PTPRN2: variants seen among roughly 807,000 people sequenced by gnomAD.
PTPRN2 encodes protein tyrosine phosphatase receptor type N2.
Under a neutral mutation model 118.8 loss-of-function variants are expected in PTPRN2, and 74 were observed. The observed-to-expected ratio is 0.62, with a 90% confidence interval of 0.52 to 0.76. PTPRN2 has a LOEUF of 0.76. Ranked by LOEUF, PTPRN2 falls within the 30% of genes least tolerant of loss-of-function variation. The pLI is 0.00. For synonymous variants in PTPRN2, 641 were observed against 608.0 expected (o/e 1.05, Z -0.80); for missense variants, 1,481 against 1,394.4 (o/e 1.06, Z -0.99).
At chr7:158,278,142 G>T (rs537248002) in intron 3 of PTPRN2, among the ~76,000 whole-genome samples, 1 of 152,148 alleles carries the variant, frequency 6.6e-6, no homozygotes, top group African/African-American at 2.4e-5. Context: ...GCCTCAGCAC[G>T]TAACATGTCT....
intron 11 of PTPRN2, among the ~76,000 whole-genome samples, chr7:158,019,627 G>C (rs932865654): frequency 6.6e-6 from 1 of 152,196 alleles, no homozygotes; most frequent in Non-Finnish European, 1.5e-5. Context: ...GATTTTTTGA[G>C]GTCCCATCAT....
At chr7:157,882,341 G>C (rs1389695595) in intron 12 of PTPRN2, among the ~76,000 whole-genome samples, 2 of 148,706 alleles carry the variant, frequency 1.3e-5, no homozygotes, top group African/African-American at 5.0e-5. Context: ...CCCCAAAAAT[G>C]ACTGTTGGAG....
chr7:157,708,372 G>A (rs1798438017), intron 12 of PTPRN2, among the ~76,000 whole-genome samples: 1 of 152,130 alleles, frequency 6.6e-6, no homozygotes, highest in Non-Finnish European at 1.5e-5. Flanking sequence ...ATCTGCCCAC[G>A]ACCCTTCAGC....
intron 3 of PTPRN2, among the ~76,000 whole-genome samples, chr7:158,252,723 C>T (rs1021860728): frequency 1.3e-5 from 2 of 152,122 alleles, no homozygotes; most frequent in Non-Finnish European, 2.9e-5. Flanking sequence ...CCAGTTAGAT[C>T]GAGTCCAAGC....
intron 3 of PTPRN2, among the ~76,000 whole-genome samples, chr7:158,278,475 C>G (rs10282721): frequency 6.6e-6 from 1 of 152,218 alleles, no homozygotes; most frequent in Non-Finnish European, 1.5e-5. Flanking sequence ...GAGAATTGCT[C>G]GAACCGGTAG....
intron 5 of PTPRN2, among the ~76,000 whole-genome samples, chr7:158,178,929 T>A (rs931156258): frequency 6.6e-6 from 1 of 152,184 alleles, no homozygotes; most frequent in Non-Finnish European, 1.5e-5. Flanking sequence ...TTAGACTGGT[T>A]CCATATCTTT....
At chr7:157,802,985 G>C (rs1251319609) in intron 12 of PTPRN2, among the ~76,000 whole-genome samples, 1 of 152,118 alleles carries the variant, frequency 6.6e-6, no homozygotes. Flanking sequence ...ACTTTTTGGA[G>C]ATGGAGTCTT....
chr7:158,109,723 C>G (rs903117811), intron 10 of PTPRN2, among the ~76,000 whole-genome samples: 1 of 151,628 alleles, frequency 6.6e-6, no homozygotes, highest in Admixed American at 6.6e-5. Context: ...TGACGTCACC[C>G]CTGTGTGATG....
rs1810762444 is a variant in PTPRN2 at position 158,379,096 on chromosome 7, C to T, written c.164-62164G>A. ...TAGGACAGGGGCTGCACCTGCCAGG[C>T]CTGGCCCTGTGTGCATGGAAGGGGT... is the stretch of plus-strand genomic sequence containing the variant. On this transcript the variant is annotated intron_variant, in intron 2 of 22. Transcript: ENST00000389418. Among the ~76,000 whole-genome samples the T allele has an allele frequency of 2.0e-5, 3 of 151,946 alleles. No individual in the cohort carries two copies. The South Asian group carries it at 6.3e-4, about 32-fold the overall frequency.
At chr7:158,319,416 TCCCACA>T (rs1802637483) in intron 2 of PTPRN2, among the ~76,000 whole-genome samples, 2 of 66,244 alleles carry the variant, frequency 3.0e-5, no homozygotes, top group South Asian at 5.4e-4. Flanking sequence ...ACACACAGCC[TCCCACA>T]CACACACACA....
chr7:158,123,175 T>C (rs1317276464), intron 9 of PTPRN2, among the ~76,000 whole-genome samples: 1 of 152,254 alleles, frequency 6.6e-6, no homozygotes, highest in Non-Finnish European at 1.5e-5. Context: ...CCAATTATTC[T>C]AGTTATCCCT....
chr7:158,151,185 CCTCT>C (rs1405590617), intron 6 of PTPRN2, among the ~76,000 whole-genome samples: 1 of 23,586 alleles, frequency 4.2e-5, no homozygotes, highest in Non-Finnish European at 6.9e-5. Flanking sequence ...TCTGCTCCTG[CCTCT>C]CCCTGCCCAC....
intron 3 of PTPRN2, among the ~76,000 whole-genome samples, chr7:158,299,820 G>A (rs1800758178): frequency 6.6e-6 from 1 of 152,192 alleles, no homozygotes; most frequent in African/African-American, 2.4e-5. Flanking sequence ...GGGAAGCCCT[G>A]GCAGGTGCTT....
intron 2 of PTPRN2, among the ~76,000 whole-genome samples, chr7:158,332,748 G>A (rs1314721558): frequency 2.1e-5 from 3 of 139,602 alleles, no homozygotes; most frequent in East Asian, 4.4e-4. Flanking sequence ...AAGAGCTGAG[G>A]CCCACAGAGG....
At chr7:158,206,012 T>A (rs1339024142) in intron 3 of PTPRN2, among the ~76,000 whole-genome samples, 1 of 152,152 alleles carries the variant, frequency 6.6e-6, no homozygotes, top group Non-Finnish European at 1.5e-5. Flanking sequence ...ATGGAAGGAC[T>A]ACAATTCCTG....
At chr7:157,558,364 C>G (rs140614923) in intron 21 of PTPRN2, among the ~76,000 whole-genome samples, 1 of 152,210 alleles carries the variant, frequency 6.6e-6, no homozygotes, top group South Asian at 2.1e-4. Flanking sequence ...ATGGGGCACA[C>G]GCAGTCATTC....
intron 11 of PTPRN2, among the ~76,000 whole-genome samples, chr7:158,016,583 A>T (rs1250214869): frequency 3.3e-5 from 5 of 152,230 alleles, no homozygotes; most frequent in Non-Finnish European, 5.9e-5. Context: ...GTCGCCTGCA[A>T]TTGGCATTAA....
chr7:157,676,387 C>T lies in PTPRN2; in HGVS notation c.2001+6338G>A, dbSNP rs759010179. 7.9e-5 allele frequency among the ~76,000 whole-genome samples: 12 copies of T among 152,316 alleles called. No homozygotes were observed. Among genetic ancestry groups the T allele is most frequent in the African/African-American group, 2.4e-4 (10 of 41,576 alleles). Reference sequence around the variant, plus strand: ...CCAAGGATTTGATTTCAGTTTCACACGAATCACCTCCTAGTGATGCGTGGA... The same window carrying T: ...CCAAGGATTTGATTTCAGTTTCACATGAATCACCTCCTAGTGATGCGTGGA... On this transcript the variant is annotated intron_variant, in intron 13 of 22. Transcript: ENST00000389418. This position sits in a 1 kb window ranked among gnomAD's most constrained non-coding sequence, Gnocchi z 5.6.
At chr7:157,882,206 TATCA>T (rs1396344129) in intron 12 of PTPRN2, among the ~76,000 whole-genome samples, 1 of 151,326 alleles carries the variant, frequency 6.6e-6, no homozygotes, top group Non-Finnish European at 1.5e-5. Flanking sequence ...CAAAAATGAC[TATCA>T]GAGACCAGAT....
Sources: allele counts gnomAD v4.1 joint callset (sites outside exome capture counted in the v4.1 genomes callset), GRCh38; gene constraint gnomAD v4.1.1; non-coding constraint Gnocchi (gnomAD v3.1); transcripts MANE v1.5; gene names NCBI Gene and HGNC (gene_info 2026-07-23, HGNC 2026-07-21).